Variants in PVT1 observed in about 807,000 individuals in gnomAD.
PVT1 encodes Pvt1 oncogene.
At chr8:127,942,237 G>A (rs117423088) in intron 3 of PVT1, among the ~76,000 whole-genome samples, 37 of 152,278 alleles carry the variant, frequency 2.4e-4, no homozygotes, top group South Asian at 8.3e-4. Flanking sequence ...GAATTTCCAC[G>A]GCTTGCCTAG....
intron 2 of PVT1, among the ~76,000 whole-genome samples, chr8:127,840,404 A>C (rs1814960600): frequency 6.6e-6 from 1 of 152,264 alleles, no homozygotes; most frequent in African/African-American, 2.4e-5. Flanking sequence ...AGAAAGGAGC[A>C]GTGTCTCAAA....
At chr8:127,802,716 A>C (rs546958546) in intron 2 of PVT1, among the ~76,000 whole-genome samples, 2 of 152,178 alleles carry the variant, frequency 1.3e-5, no homozygotes, top group Non-Finnish European at 1.5e-5. Flanking sequence ...GCATTTAGTG[A>C]ATCAAATGTG....
intron 2 of PVT1, among the ~76,000 whole-genome samples, chr8:127,877,171 T>A (rs1307537642): frequency 6.6e-6 from 1 of 152,166 alleles, no homozygotes; most frequent in African/African-American, 2.4e-5. Flanking sequence ...GCGCCTAGAA[T>A]GTGCCCAGAT....
At chr8:127,947,873 C>G (rs1381779924) in intron 3 of PVT1, 1 of 456,594 alleles carries the variant, frequency 2.2e-6, no homozygotes, top group Non-Finnish European at 4.4e-6. Flanking sequence ...CTTGTAAGAG[C>G]CTTGTACAAA....
chr8:127,900,932 C>T (rs755051679), intron 3 of PVT1, among the ~76,000 whole-genome samples: 7 of 152,144 alleles, frequency 4.6e-5, no homozygotes, highest in African/African-American at 9.7e-5. Flanking sequence ...GCTCATGACA[C>T]GCCTGAATGG....
intron 4 of PVT1, among the ~76,000 whole-genome samples, chr8:128,036,171 T>C (rs1255973233): frequency 6.6e-6 from 1 of 152,180 alleles, no homozygotes; most frequent in Non-Finnish European, 1.5e-5. Context: ...CGTTCACCTT[T>C]TGTTAGTTAA....
intron 5 of PVT1, among the ~76,000 whole-genome samples, chr8:128,084,598 A>G (rs1814233718): frequency 6.6e-6 from 1 of 152,256 alleles, no homozygotes; most frequent in Non-Finnish European, 1.5e-5. Context: ...AGGAATCCAC[A>G]GAAACCAGAA....
rs1212467462 is a variant in PVT1, at chr8:127,889,045, T to TTCCTTCCC, written n.373-1537_373-1536insCTCCTTCC. 2.7e-4 allele frequency among the ~76,000 whole-genome samples: 19 copies of TTCCTTCCC among 70,270 alleles called. 1 individual carries two copies. Among genetic ancestry groups the TTCCTTCCC allele is most frequent in the Non-Finnish European group, 5.8e-4 (18 of 30,858 alleles). 46.1% of individuals were successfully genotyped at this position (70,270 alleles called of 152,430 possible). A position where few individuals can be genotyped will look rare whatever the true frequency, so the allele number is the denominator to read the frequency against. ...TTTCCTTTCTCTCTTTCTTTCTTCC[T>TTCCTTCCC]TCCTTCCTTCCTTCCTTCCTTCCTT... On this transcript the variant is annotated intron_variant and non_coding_transcript_variant, in intron 2 of 10. Coordinates refer to ENST00000651587, the Ensembl canonical transcript of PVT1.
chr8:127,802,008 C>T lies in PVT1; in HGVS notation n.372+5937C>T, dbSNP rs186003139. Among the ~76,000 whole-genome samples the T allele has an allele frequency of 5.3e-5, 8 of 151,972 alleles. No homozygotes were observed. In the East Asian group the frequency reaches 1.4e-3, roughly 26 times the overall value. ...TCGGCTCATTGCAACTTCCGCCTCC[C>T]GGGTTCAAGCGATTCTCCTGCCTCA... On this transcript the variant is annotated intron_variant and non_coding_transcript_variant, in intron 2 of 10. Coordinates refer to ENST00000651587, the Ensembl canonical transcript of PVT1.
intron 4 of PVT1, among the ~76,000 whole-genome samples, chr8:128,057,674 T>C (rs1813778286): frequency 6.6e-6 from 1 of 152,240 alleles, no homozygotes; most frequent in Non-Finnish European, 1.5e-5. Context: ...TTCATAAACA[T>C]GCTTTCCTCC....
intron 3 of PVT1, among the ~76,000 whole-genome samples, chr8:127,976,722 A>C (rs1283495998): frequency 6.6e-6 from 1 of 152,100 alleles, no homozygotes; most frequent in Non-Finnish European, 1.5e-5. Context: ...CATATCATAT[A>C]TCAGGTCTGA....
At chr8:128,089,714 ATTCT>A (rs1167838654) in intron 5 of PVT1, among the ~76,000 whole-genome samples, 2 of 152,212 alleles carry the variant, frequency 1.3e-5, no homozygotes, top group African/African-American at 2.4e-5. Flanking sequence ...GAAGAAAATC[ATTCT>A]TTCTTTGTTT....
rs188108708 is a variant in PVT1, at chr8:127,853,987, G to A, written n.373-36602G>A. On this transcript the variant is annotated intron_variant and non_coding_transcript_variant, in intron 2 of 10. Transcript: ENST00000651587. ...TTTCTGTACGGCGTTTTCTCTTCCC[G>A]GCTCCTCTGCCCCCAGCCCCACGTG... Among the ~76,000 whole-genome samples the A allele has an allele frequency of 1.7e-3, 256 of 151,878 alleles. 1 individual carries two copies. The highest frequency in any genetic ancestry group is 0.015 in the Admixed American group (230 of 15,260).
At position 128,057,033 on chromosome 8, in the gene PVT1, G is replaced by C. The variant is rs1455682567; in HGVS notation, n.913-13127G>C. ...CTTCCCGCATCATTGAGAAAGACAG[G>C]GTATTCTCACCTCACCACTTCCAGG... On this transcript the variant is annotated intron_variant and non_coding_transcript_variant, in intron 4 of 10. Coordinates refer to ENST00000651587, the Ensembl canonical transcript of PVT1. 3.3e-5 allele frequency among the ~76,000 whole-genome samples: 5 copies of C among 152,118 alleles called. No individual in the cohort carries two copies. In the East Asian group the frequency reaches 5.8e-4, roughly 18 times the overall value.
chr8:127,802,776 C>T (rs1488167504), intron 2 of PVT1, among the ~76,000 whole-genome samples: 3 of 152,256 alleles, frequency 2.0e-5, no homozygotes, highest in East Asian at 3.9e-4. Flanking sequence ...TTGCCATCTT[C>T]GGGAAGTTTC....
At chr8:128,084,172 C>T (rs554789997) in intron 5 of PVT1, among the ~76,000 whole-genome samples, 238 of 152,248 alleles carry the variant, frequency 1.6e-3, no homozygotes, top group Middle Eastern at 6.8e-3. Context: ...TCAAAATCTT[C>T]CCATGGATCT....
chr8:127,865,172 G>C (rs1586412729), intron 2 of PVT1, among the ~76,000 whole-genome samples: 1 of 152,182 alleles, frequency 6.6e-6, no homozygotes, highest in East Asian at 1.9e-4. Flanking sequence ...AGGATTCTCA[G>C]GATGGGGAGG....
intron 3 of PVT1, among the ~76,000 whole-genome samples, chr8:127,943,233 TTAA>T (rs1441180698): frequency 6.6e-6 from 1 of 152,192 alleles, no homozygotes; most frequent in Non-Finnish European, 1.5e-5. Flanking sequence ...CCCGGTAATC[TTAA>T]TAAGCAAAAG....
At chr8:127,818,548 G>T (rs1046068937) in intron 2 of PVT1, among the ~76,000 whole-genome samples, 1 of 152,148 alleles carries the variant, frequency 6.6e-6, no homozygotes, top group Admixed American at 6.6e-5. Flanking sequence ...CTCTGCTGGC[G>T]TTCTGTGTTA....
Sources: gnomAD v4.1 joint callset for allele counts (sites outside exome capture counted in the v4.1 genomes callset) on GRCh38, gnomAD v4.1.1 for gene constraint, MANE v1.5 for transcripts, NCBI Gene and HGNC (gene_info 2026-07-23, HGNC 2026-07-21) for gene names.